MRAP2: variants seen among roughly 807,000 people sequenced by gnomAD.
The protein encoded by MRAP2 is melanocortin 2 receptor accessory protein 2, also known as melanocortin-2 receptor accessory protein 2.
MRAP2 carries 20 observed loss-of-function variants against 17.4 expected under a neutral mutation model. The ratio of observed to expected loss-of-function variants is 1.15; its 90% CI spans 0.81 to 1.67. The LOEUF (loss-of-function observed/expected upper bound fraction) is 1.67. Ranked by LOEUF, MRAP2 falls within the 40% of genes most tolerant of loss-of-function variation. The pLI is 0.00. For missense variants in MRAP2, 238 were observed against 240.0 expected, an observed-to-expected ratio of 0.99 and a Z score of 0.05; for synonymous variants, 96 against 88.4, an observed-to-expected ratio of 1.09 and a Z score of -0.48.
the MRAP2 span, among the ~76,000 whole-genome samples, chr6:84,104,341 C>T: frequency 6.6e-6 from 1 of 152,186 alleles, no homozygotes. Flanking sequence ...TCATGAAGAC[C>T]TCCAACGTTC....
At chr6:84,086,901 TG>T (rs1462625641) in intron 3 of MRAP2, among the ~76,000 whole-genome samples, 2 of 152,200 alleles carry the variant, frequency 1.3e-5, no homozygotes, top group Non-Finnish European at 2.9e-5. Flanking sequence ...CACACACAGC[TG>T]GGCTTCTGGG....
At chr6:84,108,697 A>T in the MRAP2 span, among the ~76,000 whole-genome samples, 1 of 151,996 alleles carries the variant, frequency 6.6e-6, no homozygotes, top group South Asian at 2.1e-4. Context: ...CATTTGTCAA[A>T]TTTTGTTTCT....
Position 84,033,892 on chromosome 6 carries a change from G to C in MRAP2, c.-8+9G>C, listed in dbSNP as rs990285548. On this transcript the variant is annotated intron_variant, in intron 1 of 3. Transcript: ENST00000257776. ...CCGGGGCTAGCCAGCCGGTAACCAC[G>C]GGCGGGACAGGGCGCCCAGGGCGGA... The C allele has an allele frequency of 2.0e-6, 2 of 985,406 alleles. No individual in the cohort carries two copies. The highest frequency in any genetic ancestry group is 6.1e-5 in the Admixed American group (1 of 16,266). The allele number at this position is 985,406 out of a possible 1,614,324, so 61.0% of individuals were successfully genotyped here.
chr6:84,079,430 G>C (rs2099498419), intron 3 of MRAP2, among the ~76,000 whole-genome samples: 1 of 152,148 alleles, frequency 6.6e-6, no homozygotes, highest in Non-Finnish European at 1.5e-5. Flanking sequence ...CTGGAATGAA[G>C]GAAATAAATG....
intron 3 of MRAP2, among the ~76,000 whole-genome samples, chr6:84,071,879 T>C (rs950111685): frequency 2.0e-5 from 3 of 152,188 alleles, no homozygotes; most frequent in Admixed American, 6.5e-5. Flanking sequence ...GCTCAGACTT[T>C]CCAGAGCATT....
chr6:84,083,778 CA>C (rs1333404922), intron 3 of MRAP2, among the ~76,000 whole-genome samples: 1 of 152,128 alleles, frequency 6.6e-6, no homozygotes, highest in Non-Finnish European at 1.5e-5. Context: ...ATTTATTAAT[CA>C]GATCTCTTTA....
At chr6:84,082,749 G>C (rs897692133) in intron 3 of MRAP2, among the ~76,000 whole-genome samples, 2 of 152,018 alleles carry the variant, frequency 1.3e-5, no homozygotes, top group Non-Finnish European at 2.9e-5. Flanking sequence ...ATATGATGAG[G>C]TTTCTCTTCA....
the MRAP2 span, among the ~76,000 whole-genome samples, chr6:84,145,723 T>C: frequency 6.6e-6 from 1 of 152,090 alleles, no homozygotes; most frequent in Non-Finnish European, 1.5e-5. Flanking sequence ...AAGCTGAAGC[T>C]GAATGACTTG....
At chr6:84,064,683 T>C (rs187335015) in intron 3 of MRAP2, among the ~76,000 whole-genome samples, 3 of 152,226 alleles carry the variant, frequency 2.0e-5, no homozygotes, top group Non-Finnish European at 4.4e-5. Flanking sequence ...GAGACAGGGT[T>C]TCACCATGTT....
the MRAP2 span, among the ~76,000 whole-genome samples, chr6:84,105,878 G>C: frequency 2.6e-5 from 4 of 152,142 alleles, no homozygotes; most frequent in African/African-American, 9.7e-5. Context: ...AGTCAACAGA[G>C]CATAAAGTCA....
chr6:84,098,109 C>G, the MRAP2 span, among the ~76,000 whole-genome samples: 1 of 151,976 alleles, frequency 6.6e-6, no homozygotes, highest in Non-Finnish European at 1.5e-5. Flanking sequence ...TTTTATAATC[C>G]CTCCCTCCCA....
At chr6:84,112,073 C>T in the MRAP2 span, among the ~76,000 whole-genome samples, 1 of 151,818 alleles carries the variant, frequency 6.6e-6, no homozygotes, top group Admixed American at 6.6e-5. Flanking sequence ...TCTTTTTTTG[C>T]TGTGTTTCTG....
the MRAP2 span, among the ~76,000 whole-genome samples, chr6:84,129,656 T>C: frequency 9.9e-5 from 15 of 152,188 alleles, no homozygotes; most frequent in Non-Finnish European, 1.6e-4. Context: ...CGGTTTTTGC[T>C]GTGCAGAAGC....
At chr6:84,037,207 C>G (rs1157537172) in intron 1 of MRAP2, among the ~76,000 whole-genome samples, 1 of 150,724 alleles carries the variant, frequency 6.6e-6, no homozygotes, top group East Asian at 1.9e-4. Flanking sequence ...GAGCTAGACA[C>G]AGAGTGCTGA....
At chr6:84,111,728 T>C in the MRAP2 span, among the ~76,000 whole-genome samples, 1 of 152,204 alleles carries the variant, frequency 6.6e-6, no homozygotes, top group African/African-American at 2.4e-5. Flanking sequence ...CAGTATGATA[T>C]TGGCTGTGGG....
the MRAP2 span, among the ~76,000 whole-genome samples, chr6:84,113,184 T>G: frequency 6.6e-6 from 1 of 152,208 alleles, no homozygotes; most frequent in Non-Finnish European, 1.5e-5. Flanking sequence ...TGTCTAATAT[T>G]GACAGTAGGG....
intron 3 of MRAP2, among the ~76,000 whole-genome samples, chr6:84,072,570 G>T (rs2099496461): frequency 6.6e-6 from 1 of 152,220 alleles, no homozygotes; most frequent in Non-Finnish European, 1.5e-5. Flanking sequence ...GGGTCATGTT[G>T]CTTTCCAGAG....
the MRAP2 span, chr6:84,126,592 A>G: frequency 4.6e-6 from 5 of 1,088,680 alleles, no homozygotes; most frequent in South Asian, 7.3e-5. Context: ...GAATATTTGT[A>G]TAAAATTTCT....
intron 1 of MRAP2, 130 bp from the exon 2 acceptor site, chr6:84,055,181 TG>T: frequency 1.0e-6 from 1 of 969,058 alleles, no homozygotes; most frequent in Non-Finnish European, 1.5e-6. Flanking sequence ...GAACCTCTCC[TG>T]GCCTAGGAGG....
Sources: gnomAD v4.1 joint callset for allele counts (sites outside exome capture counted in the v4.1 genomes callset) on GRCh38, gnomAD v4.1.1 for gene constraint, MANE v1.5 for transcripts, NCBI Gene and HGNC (gene_info 2026-07-23, HGNC 2026-07-21) for gene names.